Variants in CAST observed in about 807,000 individuals in gnomAD.
CAST encodes the protein calpastatin.
CAST carries 76 observed loss-of-function variants against 119.6 expected under a neutral mutation model. The observed-to-expected ratio is 0.64, with a 90% CI of 0.53 to 0.77. The LOEUF is 0.77. Among genes scored for constraint, CAST ranks in the 30% least tolerant of loss-of-function variants. CAST has a pLI of 0.00. For missense variants in CAST, 953 were observed against 946.5 expected, an observed-to-expected ratio of 1.01 and a Z score of -0.09; for synonymous variants, 319 against 331.6, an observed-to-expected ratio of 0.96 and a Z score of 0.41.
chr5:96,432,581 C>T, the CAST span, among the ~76,000 whole-genome samples: 2 of 152,196 alleles, frequency 1.3e-5, no homozygotes, highest in South Asian at 4.1e-4. Flanking sequence ...TCTTCCAAAC[C>T]GCGCGGGAAC....
the CAST span, among the ~76,000 whole-genome samples, chr5:96,239,115 A>G: frequency 6.6e-6 from 1 of 152,152 alleles, no homozygotes; most frequent in Non-Finnish European, 1.5e-5. Flanking sequence ...TGATAAAACT[A>G]TAATTTTTAA....
At chr5:96,327,462 T>C in the CAST span, among the ~76,000 whole-genome samples, 1 of 152,226 alleles carries the variant, frequency 6.6e-6, no homozygotes, top group Non-Finnish European at 1.5e-5. Context: ...CTCTCAAGAA[T>C]GGTAGCTAAC....
At chr5:96,688,437 G>A (rs1314890352) in intron 2 of CAST, among the ~76,000 whole-genome samples, 3 of 152,182 alleles carry the variant, frequency 2.0e-5, no homozygotes, top group Admixed American at 6.5e-5. Context: ...TATATCCAAC[G>A]ATATTTATCA....
chr5:96,505,327 A>G, the CAST span, among the ~76,000 whole-genome samples: 1 of 152,164 alleles, frequency 6.6e-6, no homozygotes, highest in Non-Finnish European at 1.5e-5. Context: ...AAAGTAGTAG[A>G]ACTTTAGCCG....
intron 3 of CAST, chr5:96,702,706 C>A: frequency 1.1e-6 from 1 of 892,450 alleles, no homozygotes; most frequent in Non-Finnish European, 1.3e-6. Flanking sequence ...GCGGGACCTC[C>A]CTCCCCACGC....
At chr5:96,745,661 C>T (rs2150547151) in intron 16 of CAST, among the ~76,000 whole-genome samples, 1 of 152,250 alleles carries the variant, frequency 6.6e-6, no homozygotes, top group East Asian at 1.9e-4. Context: ...GTGTTGTGTC[C>T]TAGCAGTCAG....
chr5:96,050,011 T>A, the CAST span: 3 of 151,008 alleles, frequency 2.0e-5, no homozygotes, highest in South Asian at 6.3e-4. Flanking sequence ...GAGAAAATTG[T>A]TAAGAGGAAA....
the CAST span, among the ~76,000 whole-genome samples, chr5:96,501,925 A>G: frequency 1.3e-5 from 2 of 152,348 alleles, no homozygotes; most frequent in Non-Finnish European, 2.9e-5. Flanking sequence ...GTAGTAGGCT[A>G]TATTATCTAG....
At chr5:96,326,128 A>G in the CAST span, among the ~76,000 whole-genome samples, 1 of 152,144 alleles carries the variant, frequency 6.6e-6, no homozygotes, top group Non-Finnish European at 1.5e-5. Flanking sequence ...TGTCTCATCT[A>G]ATCAGTCATT....
chr5:96,316,644 A>G, the CAST span, among the ~76,000 whole-genome samples: 2 of 152,204 alleles, frequency 1.3e-5, no homozygotes, highest in African/African-American at 4.8e-5. Context: ...GGTAGAGGGG[A>G]ACCGTGAGAG....
At chr5:96,477,183 A>C in the CAST span, among the ~76,000 whole-genome samples, 1 of 151,648 alleles carries the variant, frequency 6.6e-6, no homozygotes, top group African/African-American at 2.4e-5. Flanking sequence ...GAGTCTGCTG[A>C]TAACTTGCAG....
At chr5:96,493,743 C>T in the CAST span, among the ~76,000 whole-genome samples, 1 of 152,120 alleles carries the variant, frequency 6.6e-6, no homozygotes, top group Non-Finnish European at 1.5e-5. Flanking sequence ...TCAGCAGTGC[C>T]TAAACTTATT....
the CAST span, among the ~76,000 whole-genome samples, chr5:96,435,593 AT>A: frequency 6.2e-4 from 95 of 152,352 alleles, no homozygotes; most frequent in Middle Eastern, 6.8e-3. Context: ...TATATTTCGT[AT>A]TATAAATTGG....
At chr5:96,193,814 A>G in the CAST span, among the ~76,000 whole-genome samples, 11 of 152,342 alleles carry the variant, frequency 7.2e-5, no homozygotes, top group East Asian at 2.1e-3. Context: ...CTTAAGCTAT[A>G]TTAATAGATG....
At chr5:96,674,395 G>A (rs1047365025) in intron 1 of CAST, among the ~76,000 whole-genome samples, 3 of 151,408 alleles carry the variant, frequency 2.0e-5, no homozygotes, top group Non-Finnish European at 4.4e-5. Context: ...TTCTGCTTTA[G>A]GGAACATAAT....
At chr5:96,728,464 A>G (rs1213813340) in intron 6 of CAST, 1 of 149,248 alleles carries the variant, frequency 6.7e-6, no homozygotes, top group Non-Finnish European at 1.5e-5. Context: ...TGTAAATCCT[A>G]TGAAAGGAGT....
intron 16 of CAST, among the ~76,000 whole-genome samples, chr5:96,743,269 C>T (rs1315240570): frequency 1.3e-5 from 2 of 152,218 alleles, no homozygotes; most frequent in Non-Finnish European, 2.9e-5. Context: ...TATCCCGCCA[C>T]ACTCCAAGAT....
the CAST span, among the ~76,000 whole-genome samples, chr5:96,371,444 T>G: frequency 6.6e-6 from 1 of 152,244 alleles, no homozygotes; most frequent in Non-Finnish European, 1.5e-5. Flanking sequence ...CACATTTATT[T>G]TCTGATAGCA....
intron 1 of CAST, among the ~76,000 whole-genome samples, chr5:96,539,811 T>C (rs967023621): frequency 7.2e-5 from 11 of 152,234 alleles, no homozygotes; most frequent in African/African-American, 2.2e-4. Context: ...CTGGCTTCAA[T>C]TGGTGTATTT....
Sources: gnomAD v4.1 joint callset for allele counts (sites outside exome capture counted in the v4.1 genomes callset) on GRCh38, gnomAD v4.1.1 for gene constraint, MANE v1.5 for transcripts, NCBI Gene and HGNC (gene_info 2026-07-23, HGNC 2026-07-21) for gene names.